XPNPEP1: variants seen among roughly 807,000 people sequenced by gnomAD.
XPNPEP1 encodes the protein X-prolyl aminopeptidase 1, also known as xaa-Pro aminopeptidase 1.
XPNPEP1 carries 39 observed loss-of-function variants against 92.4 expected under a neutral mutation model. That is an observed-to-expected ratio of 0.42 (90% CI 0.33 to 0.55). The LOEUF (loss-of-function observed/expected upper bound fraction) is 0.55, where lower values mean the gene tolerates loss of function less well. XPNPEP1 is among the 20% of genes least tolerant of loss of function. The pLI, the probability that XPNPEP1 is intolerant of heterozygous loss-of-function variation, is 0.08. For synonymous variants in XPNPEP1, 307 were observed against 299.4 expected (o/e 1.03, Z -0.26); for missense variants, 654 against 856.1 (o/e 0.76, Z 2.95).
intron 15 of XPNPEP1, among the ~76,000 whole-genome samples, chr10:109,874,110 G>T (rs997895343): frequency 6.6e-6 from 1 of 152,172 alleles, no homozygotes; most frequent in Non-Finnish European, 1.5e-5. Flanking sequence ...TATTTTAAGT[G>T]GGTGAATTAC....
intron 12 of XPNPEP1, among the ~76,000 whole-genome samples, chr10:109,878,556 G>A (rs1847905724): frequency 6.6e-6 from 1 of 152,070 alleles, no homozygotes; most frequent in Admixed American, 6.6e-5. Flanking sequence ...CATGGAAAAT[G>A]TTCACACTAT....
Position 109,882,463 on chromosome 10 carries a change from G to C in XPNPEP1, c.1010C>G (p.Ala337Gly), listed in dbSNP as rs1236395469. The C allele has an allele frequency of 1.2e-6, 2 of 1,614,160 alleles. No homozygotes were observed. Among genetic ancestry groups the C allele is most frequent in the Admixed American group, 3.3e-5 (2 of 60,030 alleles). ...PREKVWVSDK[A>G]SYAVSETIPK... is the part of the protein sequence containing the mutation. ...GATGGTCTCGCTCACAGCATAGCTG[G>C]CCTTGTCACTGACCCACACCTTCTC... The change falls in exon 10 of 21, where the codon GCC becomes GGC. Residue 337 changes from alanine to glycine, a missense_variant. Ala to Gly is a moderately conservative substitution (Grantham distance 60). Transcript: ENST00000502935.
chr10:109,876,690 C>G (rs918517644), intron 14 of XPNPEP1: 1 of 152,256 alleles, frequency 6.6e-6, no homozygotes, highest in African/African-American at 2.4e-5. Context: ...GCTCTAAAAA[C>G]AATTATTAAA....
chr10:109,884,713 G>T (rs917419227), intron 8 of XPNPEP1, among the ~76,000 whole-genome samples: 4 of 152,198 alleles, frequency 2.6e-5, no homozygotes, highest in African/African-American at 9.6e-5. Context: ...AGAGCCTGCA[G>T]CCCACCCATG....
intron 7 of XPNPEP1, 68 bp from the exon 8 acceptor site, chr10:109,886,409 A>T (rs1259620295): frequency 7.0e-7 from 1 of 1,419,940 alleles, no homozygotes; most frequent in Non-Finnish European, 9.8e-7. Context: ...CAGTGAAAGA[A>T]CCTACCCTAA....
intron 1 of XPNPEP1, among the ~76,000 whole-genome samples, chr10:109,917,346 C>T (rs374354979): frequency 6.6e-6 from 1 of 151,894 alleles, no homozygotes; most frequent in Non-Finnish European, 1.5e-5. Context: ...TTGTAATGAG[C>T]AATTCAAAAA....
chr10:109,920,536 G>T (rs192377133), intron 1 of XPNPEP1, among the ~76,000 whole-genome samples: 121 of 152,200 alleles, frequency 8.0e-4, no homozygotes, highest in East Asian at 5.6e-3. Context: ...TACAGAGGTG[G>T]AAGGTTATCA....
chr10:109,874,248 G>A (rs1389298631), intron 15 of XPNPEP1, among the ~76,000 whole-genome samples: 1 of 152,164 alleles, frequency 6.6e-6, no homozygotes, highest in African/African-American at 2.4e-5. Context: ...TACAGCATAA[G>A]GGCTGTTTCA....
intron 20 of XPNPEP1, among the ~76,000 whole-genome samples, chr10:109,868,126 C>CT (rs1847240525): frequency 6.6e-6 from 1 of 152,180 alleles, no homozygotes. Flanking sequence ...AGGGCTGGTA[C>CT]TATCTTTCTC....
rs766955170 is a variant in XPNPEP1 at position 109,891,753 on chromosome 10, T to C, written c.384A>G (p.Gln128=). The C allele has an allele frequency of 8.8e-6, 14 of 1,592,742 alleles. No individual in the cohort carries two copies. Among genetic ancestry groups the C allele is most frequent in the Non-Finnish European group, 1.2e-5 (14 of 1,173,512 alleles). Residue 128 remains glutamine, a synonymous_variant, in exon 5 of 21, where the codon CAA becomes CAG. Transcript: ENST00000502935. ...TCATAAGTGTCCAGTTGCTGTCCAT[T>C]TGCTTGGCAGCCTGGAGAAAGTAGC... is the stretch of plus-strand genomic sequence containing the variant. The part of the protein sequence containing the change: ...DGRYFLQAAK[Q]MDSNWTLMKM...
chr10:109,891,078 G>A (rs1009564138), intron 5 of XPNPEP1, among the ~76,000 whole-genome samples: 2 of 152,080 alleles, frequency 1.3e-5, no homozygotes, highest in Admixed American at 6.5e-5. Flanking sequence ...AAGTACACAC[G>A]GCAGAAAATT....
intron 3 of XPNPEP1, among the ~76,000 whole-genome samples, chr10:109,897,553 C>T (rs895604285): frequency 6.6e-6 from 1 of 152,132 alleles, no homozygotes; most frequent in Non-Finnish European, 1.5e-5. Context: ...AGGTATCATC[C>T]CTCGCTAATC....
At chr10:109,882,216 A>G (rs1848137507) in intron 10 of XPNPEP1, among the ~76,000 whole-genome samples, 1 of 152,234 alleles carries the variant, frequency 6.6e-6, no homozygotes. Flanking sequence ...GTACCACCTA[A>G]AATAATCTCT....
intron 3 of XPNPEP1, chr10:109,893,281 T>C (rs1848803228): frequency 6.1e-6 from 3 of 490,294 alleles, no homozygotes; most frequent in South Asian, 7.3e-5. Context: ...GAGAGAGCTG[T>C]TCCCTTTAGC....
At position 109,894,957 on chromosome 10, in the gene XPNPEP1, G is replaced by A. The variant is rs891326599; in HGVS notation, c.247-1882C>T. Among the ~76,000 whole-genome samples, 49 of 152,128 alleles carry A rather than the reference G, an allele frequency of 3.2e-4. 1 individual carries two copies. Among genetic ancestry groups the A allele is most frequent in the Admixed American group, 2.8e-3 (43 of 15,278 alleles). Reference sequence around the variant, plus strand: ...AGACTTTTTATTAAAAAGTAACAACGGGGGGAAGGGTGGCCCACACATCTC... The same window carrying A: ...AGACTTTTTATTAAAAAGTAACAACAGGGGGAAGGGTGGCCCACACATCTC... On this transcript the variant is annotated intron_variant, in intron 3 of 20. Transcript: ENST00000502935.
intron 3 of XPNPEP1, 96 bp from the exon 4 acceptor site, chr10:109,893,171 A>G (rs1848795118): frequency 8.7e-7 from 1 of 1,151,618 alleles, no homozygotes; most frequent in East Asian, 2.5e-5. Context: ...GGGGACTATG[A>G]AGACTGGGGA....
Position 109,895,655 on chromosome 10 carries a change from C to T in XPNPEP1, c.247-2580G>A, listed in dbSNP as rs117863039. ...TCCCAGGCATGAAGCTGGCAACGCC[C>T]AGGGGCGGTCTCCTTAGAACACAGC... On this transcript the variant is annotated intron_variant, in intron 3 of 20. Transcript: ENST00000502935. 1.2e-3 allele frequency among the ~76,000 whole-genome samples: 188 copies of T among 152,352 alleles called. 3 individuals are homozygous for T. In the East Asian group the frequency reaches 0.03, roughly 24 times the overall value.
At chr10:109,913,783 G>C (rs897078919) in intron 2 of XPNPEP1, among the ~76,000 whole-genome samples, 4 of 152,096 alleles carry the variant, frequency 2.6e-5, no homozygotes, top group African/African-American at 9.7e-5. Context: ...TTCCAGCTGG[G>C]ATCTACAACC....
chr10:109,865,013 GT>G lies in XPNPEP1; in HGVS notation c.*170del, dbSNP rs1352695332. On this transcript the variant is annotated 3_prime_UTR_variant, in exon 21 of 21. Transcript: ENST00000502935. ...ATTAAAAAATCATAAAAGACTGAGT[GT>G]TTGCAATAAAATATCAAAGAGGATA... 24 of 950,076 alleles carry G rather than the reference GT, an allele frequency of 2.5e-5. No individual in the cohort carries two copies. Among genetic ancestry groups the G allele is most frequent in the Non-Finnish European group, 3.7e-5 (24 of 653,276 alleles). The allele number at this position is 950,076 out of a possible 1,614,324, so 58.9% of individuals were successfully genotyped here. A position where few individuals can be genotyped will look rare whatever the true frequency, so the allele number is the denominator to read the frequency against.
Sources: gnomAD v4.1 joint callset for allele counts (sites outside exome capture counted in the v4.1 genomes callset) on GRCh38, gnomAD v4.1.1 for gene constraint, MANE v1.5 for transcripts, NCBI Gene and HGNC (gene_info 2026-07-23, HGNC 2026-07-21) for gene names.